DAB2IP: variants seen among roughly 807,000 people sequenced by gnomAD.
DAB2IP encodes disabled homolog 2-interacting protein.
In DAB2IP, 28 loss-of-function variants were observed where a neutral mutation model predicts 107.2. That is an observed-to-expected ratio of 0.26 (90% CI 0.19 to 0.36). The LOEUF (loss-of-function observed/expected upper bound fraction) is 0.36, where lower values mean the gene tolerates loss of function less well. Among genes scored for constraint, DAB2IP ranks in the 10% least tolerant of loss-of-function variants. The pLI, the probability that DAB2IP is intolerant of heterozygous loss-of-function variation, is 1.00. For synonymous variants in DAB2IP, 755 were observed against 706.4 expected (o/e 1.07, Z -1.09); for missense variants, 1,400 against 1,644.7 (o/e 0.85, Z 2.57).
intron 3 of DAB2IP, among the ~76,000 whole-genome samples, chr9:121,717,363 A>G (rs930231410): frequency 2.0e-5 from 3 of 152,184 alleles, no homozygotes; most frequent in African/African-American, 7.2e-5. Flanking sequence ...CACTCATTGT[A>G]CTAGCAGAAG....
intron 3 of DAB2IP, among the ~76,000 whole-genome samples, chr9:121,739,471 C>T (rs959149352): frequency 2.0e-5 from 3 of 152,144 alleles, no homozygotes; most frequent in African/African-American, 7.2e-5. Flanking sequence ...CTGAAGGGTC[C>T]CTCTGACTCC....
intron 3 of DAB2IP, among the ~76,000 whole-genome samples, chr9:121,726,192 G>A (rs569465264): frequency 6.6e-6 from 1 of 152,294 alleles, no homozygotes; most frequent in Admixed American, 6.5e-5. Flanking sequence ...TAAGTTAGTC[G>A]CCAATGGCTA....
At chr9:121,611,407 G>A (rs1831091676) in intron 1 of DAB2IP, among the ~76,000 whole-genome samples, 1 of 152,108 alleles carries the variant, frequency 6.6e-6, no homozygotes, top group African/African-American at 2.4e-5. Context: ...CAGCAGACAG[G>A]CTAAGGGTGT....
intron 1 of DAB2IP, among the ~76,000 whole-genome samples, chr9:121,584,654 G>C (rs968221956): frequency 6.6e-6 from 1 of 152,162 alleles, no homozygotes; most frequent in Non-Finnish European, 1.5e-5. Context: ...CTGAAAGTAG[G>C]TTTTGTTGGG....
At chr9:121,739,326 C>A (rs866106538) in intron 3 of DAB2IP, among the ~76,000 whole-genome samples, 1 of 152,276 alleles carries the variant, frequency 6.6e-6, no homozygotes, top group Middle Eastern at 3.4e-3. Flanking sequence ...TTGGGTGTTG[C>A]TGGATGAGGT....
intron 1 of DAB2IP, among the ~76,000 whole-genome samples, chr9:121,654,589 C>G (rs980060241): frequency 1.3e-5 from 2 of 152,146 alleles, no homozygotes; most frequent in Non-Finnish European, 2.9e-5. Context: ...TGCCCTCCCT[C>G]CACTAAAGCC....
intron 1 of DAB2IP, among the ~76,000 whole-genome samples, chr9:121,641,966 C>G (rs1459357179): frequency 0.12 from 13,363 of 109,578 alleles, 2,008 homozygotes; most frequent in African/African-American, 0.33. Flanking sequence ...TTCTTTCTCT[C>G]TCTCTCTTTC....
At chr9:121,687,138 G>A (rs1320264030) in intron 2 of DAB2IP, among the ~76,000 whole-genome samples, 1 of 152,192 alleles carries the variant, frequency 6.6e-6, no homozygotes, top group African/African-American at 2.4e-5. Flanking sequence ...GGGCCACAGG[G>A]AGCTGGCCCA....
intron 3 of DAB2IP, among the ~76,000 whole-genome samples, chr9:121,708,435 C>T (rs150397180): frequency 1.5e-4 from 23 of 152,368 alleles, no homozygotes; most frequent in African/African-American, 5.5e-4. Context: ...TGTGCTTGCA[C>T]TAGGCTCCCA....
Position 121,576,922 on chromosome 9 carries a change from A to G in DAB2IP, c.40+9694A>G, listed in dbSNP as rs549836136. Among the ~76,000 whole-genome samples the G allele has an allele frequency of 3.4e-4, 52 of 151,170 alleles. 1 individual carries two copies. Among genetic ancestry groups the G allele is most frequent in the Non-Finnish European group, 5.6e-4 (38 of 67,816 alleles). On this transcript the variant is annotated intron_variant, in intron 1 of 16. Transcript: ENST00000259371. Reference sequence around the variant, plus strand: ...GGCCTTCCCAGCGTGTGTCAGAACCACTCCCTTTCCCAGGCTTGCAGAAGC... The same window carrying G: ...GGCCTTCCCAGCGTGTGTCAGAACCGCTCCCTTTCCCAGGCTTGCAGAAGC...
chr9:121,678,068 T>C (rs1828361308), intron 1 of DAB2IP, among the ~76,000 whole-genome samples: 1 of 152,244 alleles, frequency 6.6e-6, no homozygotes, highest in African/African-American at 2.4e-5. Context: ...CCATTTGTAA[T>C]GTTCTGCAAC....
In DAB2IP at chr9:121,699,496, GC is replaced by G; in HGVS notation, c.362+42del. 2.4e-6 allele frequency: 3 copies of G among 1,240,150 alleles called. No homozygotes were observed. The highest frequency in any genetic ancestry group is 1.0e-6 in the Non-Finnish European group (1 of 989,254). 76.8% of individuals were successfully genotyped at this position (1,240,150 alleles called of 1,614,324 possible). A position where few individuals can be genotyped will look rare whatever the true frequency, so the allele number is the denominator to read the frequency against. ...CCGCCGCCCGGTCCCCCGCGCCGCC[GC>G]CCCGGGCTGCGCCCCTGAGGACGCG... On this transcript the variant is annotated intron_variant, in intron 3 of 15. Coordinates refer to ENST00000408936, the Ensembl canonical transcript of DAB2IP. The surrounding 1 kb of genome is among the most constrained non-coding windows in gnomAD (Gnocchi z 6.2).
rs763353448 is a variant in DAB2IP at position 121,634,201 on chromosome 9, T to A, written c.41-44477T>A. On this transcript the variant is annotated intron_variant, in intron 1 of 16. Coordinates refer to the DAB2IP transcript ENST00000259371. The surrounding 1 kb of genome is among the most constrained non-coding windows in gnomAD (Gnocchi z 4.7). The stretch of plus-strand genomic sequence containing the variant: ...GCCAACTCCTAGGAAGGGTCCCCTA[T>A]GCACCCCGGGGTAGGAGCTGAATGG... Among the ~76,000 whole-genome samples the A allele has an allele frequency of 1.3e-4, 20 of 152,170 alleles. No homozygotes were observed. The highest frequency in any genetic ancestry group is 4.1e-4 in the South Asian group (2 of 4,824).
chr9:121,772,821 G>A lies in DAB2IP; in HGVS notation c.2293G>A (p.Ala765Thr), dbSNP rs1392467484. 1 of 1,607,056 alleles carries A rather than the reference G, an allele frequency of 6.2e-7. No individual in the cohort carries two copies. The highest frequency in any genetic ancestry group is 1.3e-5 in the African/African-American group (1 of 74,868). Residue 765 changes from alanine (A) to threonine (T), a missense_variant, in exon 12 of 16, where the codon GCG becomes ACG. Ala to Thr is a moderately conservative substitution (Grantham distance 58). Transcript: ENST00000408936. The surrounding 1 kb of genome is among the most constrained non-coding windows in gnomAD (Gnocchi z 4.7). ...GCTGGATGGGGAGGCAGGCTCCCCG[G>A]CGGGCCCCGACGTCCTCCCCACAGA...
intron 2 of DAB2IP, among the ~76,000 whole-genome samples, chr9:121,683,460 G>C (rs960933259): frequency 9.2e-5 from 14 of 152,208 alleles, no homozygotes; most frequent in African/African-American, 3.1e-4. Context: ...CAGAGGCTCA[G>C]GGAAACTTGA....
At chr9:121,720,176 T>A (rs1019759668) in intron 3 of DAB2IP, among the ~76,000 whole-genome samples, 6 of 152,184 alleles carry the variant, frequency 3.9e-5, no homozygotes, top group African/African-American at 7.2e-5. Context: ...TCACCCCGTG[T>A]CTGGGTCCTG....
chr9:121,581,373 G>A (rs575402593), intron 1 of DAB2IP, among the ~76,000 whole-genome samples: 4 of 152,224 alleles, frequency 2.6e-5, no homozygotes, highest in Admixed American at 1.3e-4. Context: ...CTCAACTTGT[G>A]GGGGAGCAGG....
Position 121,760,134 on chromosome 9 carries a change from A to G in DAB2IP, c.865A>G (p.Ser289Gly). The change falls in exon 6 of 16, where the codon AGT becomes GGT. Residue 289 changes from serine to glycine, a missense_variant. Ser to Gly is a moderately conservative substitution (Grantham distance 56). This residue lies in a region of DAB2IP where 517 missense variants were observed against 748.6 expected (regional missense o/e 0.69). Transcript: ENST00000408936. This position sits in a 1 kb window ranked among gnomAD's most constrained non-coding sequence, Gnocchi z 5.9. ...CAAGAAGAAGAAGAAGGAGCGCAAC[A>G]GTTACCTGGGCCTGGTGAGCCTACC... is the stretch of plus-strand genomic sequence containing the variant. 1 of 1,613,878 alleles carries G rather than the reference A, an allele frequency of 6.2e-7. No individual in the cohort carries two copies. Among genetic ancestry groups the G allele is most frequent in the South Asian group, 1.1e-5 (1 of 91,074 alleles).
At chr9:121,711,176 A>G (rs908326823) in intron 3 of DAB2IP, among the ~76,000 whole-genome samples, 2 of 152,188 alleles carry the variant, frequency 1.3e-5, no homozygotes, top group Non-Finnish European at 2.9e-5. Context: ...CAGAGCACCC[A>G]TAGGAGTGTT....
Sources: gnomAD v4.1 joint callset for allele counts (sites outside exome capture counted in the v4.1 genomes callset) on GRCh38, gnomAD v4.1.1 for gene constraint, gnomAD v4.1.1 regional missense constraint, Gnocchi (gnomAD v3.1) non-coding constraint, MANE v1.5 for transcripts, NCBI Gene and HGNC (gene_info 2026-07-23, HGNC 2026-07-21) for gene names.